MTOR: variants seen among roughly 807,000 people sequenced by gnomAD.
MTOR encodes the protein serine/threonine-protein kinase mTOR.
Under a neutral mutation model 319.8 loss-of-function variants are expected in MTOR, and 70 were observed. The observed-to-expected ratio is 0.22, with a 90% CI of 0.18 to 0.27. MTOR has a LOEUF of 0.27. MTOR is among the 10% of genes least tolerant of loss of function. The pLI is 1.00. For missense variants in MTOR, 1,890 were observed against 3,274.4 expected, an observed-to-expected ratio of 0.58 and a Z score of 10.32; for synonymous variants, 1,183 against 1,211.4, an observed-to-expected ratio of 0.98 and a Z score of 0.49.
chr1:11,229,966 C>T (rs1646964409), intron 18 of MTOR, among the ~76,000 whole-genome samples: 2 of 151,516 alleles, frequency 1.3e-5, no homozygotes, highest in South Asian at 4.2e-4. Flanking sequence ...ACCCTGTCTC[C>T]AAAAAAATAA....
chr1:11,168,339 T>A (rs1051281788), intron 28 of MTOR, among the ~76,000 whole-genome samples: 2 of 152,006 alleles, frequency 1.3e-5, no homozygotes, highest in South Asian at 2.1e-4. Context: ...CCACAGCACC[T>A]GGCTCCTCTG....
intron 6 of MTOR, among the ~76,000 whole-genome samples, chr1:11,250,012 T>C (rs1359513556): frequency 1.5e-5 from 2 of 134,088 alleles, no homozygotes; most frequent in African/African-American, 5.5e-5. Flanking sequence ...GAGGCGCCCC[T>C]CACCTCCCGG....
chr1:11,130,463 A>G (rs748936304), intron 39 of MTOR, 66 bp downstream of exon 39: 19 of 1,572,014 alleles, frequency 1.2e-5, no homozygotes, highest in Non-Finnish European at 1.6e-5. Flanking sequence ...AAGCTTAACA[A>G]CGATTCCATT....
At chr1:11,241,289 C>G (rs1390997497) in intron 10 of MTOR, among the ~76,000 whole-genome samples, 1 of 147,490 alleles carries the variant, frequency 6.8e-6, no homozygotes, top group Non-Finnish European at 1.5e-5. Context: ...CCACTGCACT[C>G]CAGCCTGGGC....
rs1648071478 is a variant in MTOR at position 11,241,794 on chromosome 1, T to A, written c.1413-113A>T. 18 of 1,214,004 alleles carry A rather than the reference T, an allele frequency of 1.5e-5. 1 individual carries two copies. In the Middle Eastern group the frequency reaches 2.1e-3, roughly 141 times the overall value. The allele number at this position is 1,214,004 out of a possible 1,614,324, so 75.2% of individuals were successfully genotyped here. A position where few individuals can be genotyped will look rare whatever the true frequency, so the allele number is the denominator to read the frequency against. ...GTTACTCAGGCAGGGCTACCACAGATGGGTATGCAAATTGTCCAGAGCACA... is the reference window on the plus strand; with the variant it reads ...GTTACTCAGGCAGGGCTACCACAGAAGGGTATGCAAATTGTCCAGAGCACA... On this transcript the variant is annotated intron_variant, in intron 9 of 57. Transcript: ENST00000361445.
At chr1:11,126,598 A>T in intron 46 of MTOR, 24 bp downstream of exon 46, 1 of 1,609,670 alleles carries the variant, frequency 6.2e-7, no homozygotes, top group Non-Finnish European at 8.5e-7. Context: ...GAAGTGGGTG[A>T]CAGAAGTGCA....
rs17235626 is a variant in MTOR at position 11,130,782 on chromosome 1, T to A, written c.5365-5A>T. ...CACTGCCCACGCATGCCAGGCCTGG[T>A]TGGGGAGAAAGGCAAGGACAGACAC... On this transcript the variant is annotated splice_region_variant and splice_polypyrimidine_tract_variant and intron_variant, in intron 38 of 57. Coordinates refer to ENST00000361445, the MANE Select transcript of MTOR (RefSeq NM_004958.4). 2 of 1,560,266 alleles carry A rather than the reference T, an allele frequency of 1.3e-6. No individual in the cohort carries two copies. Among genetic ancestry groups the A allele is most frequent in the Admixed American group, 1.9e-5 (1 of 51,666 alleles).
At chr1:11,254,026 G>A in intron 5 of MTOR, 53 bp from the exon 6 acceptor site, 1 of 1,607,268 alleles carries the variant, frequency 6.2e-7, no homozygotes, top group Non-Finnish European at 8.5e-7. Flanking sequence ...AACCCAGAAA[G>A]AATACAGGCC....
chr1:11,212,932 G>C lies in MTOR; in HGVS notation c.3286-24C>G, dbSNP rs368941349. On this transcript the variant is annotated intron_variant, in intron 21 of 57. Transcript: ENST00000361445. The surrounding 1 kb of genome is among the most constrained non-coding windows in gnomAD (Gnocchi z 4.1). ...AACTGCAAAAGGGAGCAAAAGCATGGTGATGAATAGTCAGGTCCCAAGTAT... is the reference window on the plus strand; with the variant it reads ...AACTGCAAAAGGGAGCAAAAGCATGCTGATGAATAGTCAGGTCCCAAGTAT... 1 of 1,578,630 alleles carries C rather than the reference G, an allele frequency of 6.3e-7. No homozygotes were observed. The highest frequency in any genetic ancestry group is 1.7e-5 in the Admixed American group (1 of 59,960).
At chr1:11,182,517 TAGG>T (rs1645193455) in intron 28 of MTOR, among the ~76,000 whole-genome samples, 1 of 152,196 alleles carries the variant, frequency 6.6e-6, no homozygotes, top group Non-Finnish European at 1.5e-5. Context: ...TACATAAATA[TAGG>T]AGAATATAAC....
intron 10 of MTOR, among the ~76,000 whole-genome samples, chr1:11,241,307 C>T (rs1179066015): frequency 7.4e-6 from 1 of 134,558 alleles, no homozygotes; most frequent in African/African-American, 2.9e-5. Flanking sequence ...GGCGACAGAG[C>T]GAGACCCCTT....
At chr1:11,230,717 T>C (rs1646987905) in intron 18 of MTOR, among the ~76,000 whole-genome samples, 1 of 152,162 alleles carries the variant, frequency 6.6e-6, no homozygotes, top group South Asian at 2.1e-4. Context: ...ACAAAGAATC[T>C]AGACAGACAT....
chr1:11,126,592 T>C (rs2100395507), intron 46 of MTOR, 30 bp downstream of exon 46: 8 of 1,607,632 alleles, frequency 5.0e-6, no homozygotes, highest in Non-Finnish European at 6.0e-6. Flanking sequence ...GAGGGAGAAG[T>C]GGGTGACAGA....
chr1:11,170,919 C>G (rs1644792710), intron 28 of MTOR, among the ~76,000 whole-genome samples: 1 of 151,552 alleles, frequency 6.6e-6, no homozygotes, highest in Non-Finnish European at 1.5e-5. Context: ...TTCACCTGAA[C>G]CAGAAGAAAC....
chr1:11,122,781 A>G (rs1023852808), intron 47 of MTOR, among the ~76,000 whole-genome samples: 2 of 152,118 alleles, frequency 1.3e-5, no homozygotes, highest in Non-Finnish European at 2.9e-5. Flanking sequence ...TGCTGGGATT[A>G]CAGGCGTGAG....
At chr1:11,117,115 G>C in intron 49 of MTOR, 29 bp from the exon 50 acceptor site, 1 of 1,543,284 alleles carries the variant, frequency 6.5e-7, no homozygotes. Flanking sequence ...TGTGAACTAC[G>C]GTTCTGGAAA....
rs529080281 is a variant in MTOR at position 11,206,313 on chromosome 1, G to A, written c.3802-1610C>T. On this transcript the variant is annotated intron_variant, in intron 25 of 57. Coordinates refer to ENST00000361445, the MANE Select transcript of MTOR (RefSeq NM_004958.4). ...TTTCTTTTTCCCTCTAATGAAATGA[G>A]GTTGGGCCTGGGTAAGGCAGAGACA... 3.9e-5 allele frequency among the ~76,000 whole-genome samples: 6 copies of A among 152,318 alleles called. No homozygotes were observed. In the South Asian group the frequency reaches 1.0e-3, roughly 26 times the overall value.
chr1:11,124,347 G>A, intron 47 of MTOR, 151 bp downstream of exon 47: 1 of 1,027,500 alleles, frequency 9.7e-7, no homozygotes, highest in Non-Finnish European at 1.4e-6. Flanking sequence ...CTCAACCTCT[G>A]GAGTTTCTGG....
At chr1:11,123,431 TAG>T (rs1256888877) in intron 47 of MTOR, among the ~76,000 whole-genome samples, 1 of 142,090 alleles carries the variant, frequency 7.0e-6, no homozygotes, top group Non-Finnish European at 1.5e-5. Context: ...TTTTTTTTTG[TAG>T]AGACAGGGAT....
Sources: allele counts gnomAD v4.1 joint callset (sites outside exome capture counted in the v4.1 genomes callset), GRCh38; gene constraint gnomAD v4.1.1; non-coding constraint Gnocchi (gnomAD v3.1); transcripts MANE v1.5; gene names NCBI Gene and HGNC (gene_info 2026-07-23, HGNC 2026-07-21).